Variants in BTBD7 observed in about 807,000 individuals in gnomAD.
BTBD7 encodes BTB/POZ domain-containing protein 7.
BTBD7 carries 38 observed loss-of-function variants against 99.9 expected under a neutral mutation model. That is an observed-to-expected ratio of 0.38 (90% CI 0.29 to 0.50). The LOEUF is 0.50. BTBD7 is among the 20% of genes least tolerant of loss of function. The pLI, the probability that BTBD7 is intolerant of heterozygous loss-of-function variation, is 0.93. For synonymous variants in BTBD7, 520 were observed against 511.4 expected (o/e 1.02, Z -0.23); for missense variants, 1,170 against 1,394.6 (o/e 0.84, Z 2.57).
chr14:93,268,899 C>T (rs1277836896), intron 3 of BTBD7, among the ~76,000 whole-genome samples: 3 of 151,916 alleles, frequency 2.0e-5, no homozygotes, highest in Non-Finnish European at 2.9e-5. Context: ...GCTGGGATTA[C>T]AGGCACCCAC....
intron 3 of BTBD7, among the ~76,000 whole-genome samples, chr14:93,265,913 CTCTGTCTCGA>C (rs2052537217): frequency 1.3e-5 from 2 of 152,200 alleles, no homozygotes; most frequent in Admixed American, 1.3e-4. Context: ...CAGAGTGAGA[CTCTGTCTCGA>C]AACAAACAAA....
chr14:93,261,634 T>C lies in BTBD7; in HGVS notation c.1415A>G (p.Glu472Gly). 6.2e-7 allele frequency: 1 copy of C among 1,612,296 alleles called. No homozygotes were observed. Among genetic ancestry groups the C allele is most frequent in the South Asian group, 1.1e-5 (1 of 90,880 alleles). Residue 472 changes from glutamate to glycine, a missense_variant, in exon 5 of 11, where the codon GAG becomes GGG. Physicochemically the swap from Glu to Gly is moderately conservative, Grantham distance 98. This residue lies in a region of BTBD7 where 309 missense variants were observed against 342.0 expected (regional missense o/e 0.90). Transcript: ENST00000334746. ...TGCTATTCTTTTCATCAACTGATGC[T>C]CTCCCCATTTAATCAGATATTTAAG... ...DILKYLIKWGEHQLMKRIADR... is the reference protein window; with the variant it reads ...DILKYLIKWGGHQLMKRIADR...
intron 1 of BTBD7, among the ~76,000 whole-genome samples, chr14:93,316,899 C>T (rs116685619): frequency 0.017 from 2,557 of 151,988 alleles, 77 homozygotes; most frequent in African/African-American, 0.059. Flanking sequence ...CAAAGTGGGT[C>T]AGGGAAAAAA....
chr14:93,249,086 T>C (rs993605011), intron 8 of BTBD7, among the ~76,000 whole-genome samples: 1 of 151,840 alleles, frequency 6.6e-6, no homozygotes. Context: ...TCTGGCTTAG[T>C]GATATGAACT....
At chr14:93,301,788 A>G (rs984500418) in intron 1 of BTBD7, among the ~76,000 whole-genome samples, 3 of 152,188 alleles carry the variant, frequency 2.0e-5, no homozygotes, top group Non-Finnish European at 4.4e-5. Context: ...CAACATTGTT[A>G]TAACAGACCA....
chr14:93,322,165 T>A (rs2053277726), intron 1 of BTBD7, among the ~76,000 whole-genome samples: 1 of 152,166 alleles, frequency 6.6e-6, no homozygotes. Flanking sequence ...AGGCTTGGAG[T>A]GCAGTGGGGT....
intron 1 of BTBD7, among the ~76,000 whole-genome samples, chr14:93,332,021 A>C (rs1164424411): frequency 1.3e-5 from 2 of 151,932 alleles, no homozygotes; most frequent in Admixed American, 1.3e-4. Context: ...AATTAGGCCT[A>C]CTCCAGAGTA....
At position 93,243,073 on chromosome 14, in the gene BTBD7, G is replaced by A. The variant is rs1174534058; in HGVS notation, c.2599C>T (p.Leu867=). Residue 867 remains leucine, a synonymous_variant, in exon 11 of 11, where the codon CTG becomes TTG. Transcript: ENST00000334746. ...GCGATGTCTGGCATCAGATCATTCA[G>A]CACAGGTTGTGTTCGCTGCAGACAG... The part of the protein sequence containing the change: ...SEKQVRTQPV[L]NDLMPDIAVG... 6.2e-7 allele frequency: 1 copy of A among 1,612,832 alleles called. No individual in the cohort carries two copies. Among genetic ancestry groups the A allele is most frequent in the Middle Eastern group, 1.7e-4 (1 of 5,958 alleles).
At chr14:93,267,846 G>A (rs1455711695) in intron 3 of BTBD7, among the ~76,000 whole-genome samples, 13 of 152,022 alleles carry the variant, frequency 8.6e-5, no homozygotes, top group Non-Finnish European at 1.9e-4. Context: ...CTTTTCCCCT[G>A]CATTATTGAA....
At chr14:93,272,044 C>T (rs532698003) in intron 3 of BTBD7, among the ~76,000 whole-genome samples, 39 of 149,708 alleles carry the variant, frequency 2.6e-4, no homozygotes, top group African/African-American at 7.9e-4. Context: ...TGTGGGCGGG[C>T]GCAGTGGCTC....
At chr14:93,305,474 AT>A (rs1255060358) in intron 1 of BTBD7, among the ~76,000 whole-genome samples, 2 of 152,224 alleles carry the variant, frequency 1.3e-5, no homozygotes, top group Non-Finnish European at 2.9e-5. Flanking sequence ...AAGGTCTCTT[AT>A]GAAAAACAAG....
chr14:93,314,652 TCTAAATTATG>T (rs2053178602), intron 1 of BTBD7, among the ~76,000 whole-genome samples: 35 of 152,132 alleles, frequency 2.3e-4, no homozygotes, highest in Admixed American at 2.3e-3. Flanking sequence ...CTCTGCCCAG[TCTAAATTATG>T]TCATTAGAAT....
At chr14:93,332,644 G>A (rs2053459141) in intron 1 of BTBD7, among the ~76,000 whole-genome samples, 176 bp downstream of exon 1, 1 of 148,114 alleles carries the variant, frequency 6.8e-6, no homozygotes, top group East Asian at 2.0e-4. Flanking sequence ...CCGCGCCTCA[G>A]CCCCAGACGG....
chr14:93,255,687 G>C (rs2052421755), intron 6 of BTBD7: 1 of 148,132 alleles, frequency 6.8e-6, no homozygotes, highest in Non-Finnish European at 1.5e-5. Flanking sequence ...GTAGAGACAG[G>C]GTTTTGCCAT....
At chr14:93,248,327 GGAC>G in intron 9 of BTBD7, 146 bp downstream of exon 9, 1 of 748,346 alleles carries the variant, frequency 1.3e-6, no homozygotes, top group Non-Finnish European at 2.1e-6. Context: ...TCACCAGGAG[GGAC>G]TTGCAGGTTA....
intron 1 of BTBD7, among the ~76,000 whole-genome samples, chr14:93,307,721 A>AC: frequency 6.6e-6 from 1 of 152,156 alleles, no homozygotes; most frequent in East Asian, 1.9e-4. Context: ...ATAACATTCC[A>AC]CCCCATCATT....
At chr14:93,296,310 A>T (rs1363212313) in intron 1 of BTBD7, among the ~76,000 whole-genome samples, 153 bp from the exon 2 acceptor site, 1 of 152,186 alleles carries the variant, frequency 6.6e-6, no homozygotes, top group African/African-American at 2.4e-5. Context: ...TAAATCTTTA[A>T]GCTTGAATTA....
At chr14:93,291,410 G>A (rs2052853954) in intron 3 of BTBD7, among the ~76,000 whole-genome samples, 1 of 152,130 alleles carries the variant, frequency 6.6e-6, no homozygotes, top group African/African-American at 2.4e-5. Flanking sequence ...CTGAAACCCA[G>A]TCTGTCTGGT....
At chr14:93,317,120 C>T (rs959161875) in intron 1 of BTBD7, among the ~76,000 whole-genome samples, 28 of 152,260 alleles carry the variant, frequency 1.8e-4, no homozygotes, top group African/African-American at 6.5e-4. Context: ...ATTACCCTGC[C>T]TCAGCCTCCC....
Sources: gnomAD v4.1 joint callset for allele counts (sites outside exome capture counted in the v4.1 genomes callset) on GRCh38, gnomAD v4.1.1 for gene constraint, gnomAD v4.1.1 regional missense constraint, MANE v1.5 for transcripts, NCBI Gene and HGNC (gene_info 2026-07-23, HGNC 2026-07-21) for gene names.